FOXP2: variants seen among roughly 807,000 people sequenced by gnomAD.
FOXP2 encodes forkhead box protein P2.
Under a neutral mutation model 115.8 loss-of-function variants are expected in FOXP2, and 12 were observed. The ratio of observed to expected loss-of-function variants is 0.10; its 90% confidence interval spans 0.07 to 0.17. The LOEUF (loss-of-function observed/expected upper bound fraction) is 0.17, where lower values mean the gene tolerates loss of function less well. FOXP2 is among the 10% of genes least tolerant of loss of function. The pLI is 1.00. For synonymous variants in FOXP2, 328 were observed against 297.7 expected, an observed-to-expected ratio of 1.10 and a Z score of -1.05; for missense variants, 629 against 843.5, an observed-to-expected ratio of 0.75 and a Z score of 3.15.
intron 3 of FOXP2, among the ~76,000 whole-genome samples, chr7:114,588,718 C>T (rs1802281484): frequency 6.6e-6 from 1 of 152,110 alleles, no homozygotes; most frequent in African/African-American, 2.4e-5. Flanking sequence ...TGAAAGGAGT[C>T]CTGCAGATGT....
At position 114,692,492 on chromosome 7, in the gene FOXP2, G is replaced by A. The variant is rs1018617638; in HGVS notation, c.*2566G>A. On this transcript the variant is annotated 3_prime_UTR_variant, in exon 17 of 17. Coordinates refer to ENST00000350908, the MANE Select transcript of FOXP2 (RefSeq NM_014491.4). ...TTGTGCATATTATGTAAAAATGTTG[G>A]TGGACCCATAAATGACCAGACTTTT... The A allele has an allele frequency of 2.2e-6, 1 of 453,654 alleles. No homozygotes were observed. Among genetic ancestry groups the A allele is most frequent in the African/African-American group, 2.0e-5 (1 of 49,924 alleles). 28.1% of individuals were successfully genotyped at this position (453,654 alleles called of 1,614,324 possible).
chr7:114,689,092 A>G (rs1808522216), intron 16 of FOXP2, among the ~76,000 whole-genome samples: 1 of 152,194 alleles, frequency 6.6e-6, no homozygotes, highest in Admixed American at 6.6e-5. Flanking sequence ...TGGAGGGATA[A>G]TAAACTTCAG....
At chr7:114,506,830 A>G (rs953506430) in intron 2 of FOXP2, among the ~76,000 whole-genome samples, 1 of 151,750 alleles carries the variant, frequency 6.6e-6, no homozygotes, top group Non-Finnish European at 1.5e-5. Context: ...GGGCTTCCTC[A>G]GTGAGTGATG....
In FOXP2 at chr7:114,692,948, G is replaced by A. The variant is rs1235784349; in HGVS notation, c.*3022G>A. ...AATTGTAACAGCTGTTATTCGTTCT[G>A]TATTCATGGCTTTCACTGCTGAATA... On this transcript the variant is annotated 3_prime_UTR_variant, in exon 17 of 17. Coordinates refer to ENST00000350908, the MANE Select transcript of FOXP2 (RefSeq NM_014491.4). The A allele has an allele frequency of 2.2e-6, 1 of 453,880 alleles. No individual in the cohort carries two copies. Among genetic ancestry groups the A allele is most frequent in the African/African-American group, 2.0e-5 (1 of 50,104 alleles). 28.1% of individuals were successfully genotyped at this position (453,880 alleles called of 1,614,324 possible). A position where few individuals can be genotyped will look rare whatever the true frequency, so the allele number is the denominator to read the frequency against.
chr7:114,181,354 C>T (rs1793450089), intron 1 of FOXP2, among the ~76,000 whole-genome samples: 1 of 151,378 alleles, frequency 6.6e-6, no homozygotes, highest in Admixed American at 6.6e-5. Context: ...CTTCTATAAC[C>T]TAAAATATTT....
intron 15 of FOXP2, 149 bp downstream of exon 15, chr7:114,663,668 G>T: frequency 2.9e-6 from 2 of 679,478 alleles, no homozygotes; most frequent in African/African-American, 1.8e-5. Flanking sequence ...AGACAGCACT[G>T]GTTCTAATTC....
chr7:114,214,103 C>T (rs1377537500), intron 1 of FOXP2, among the ~76,000 whole-genome samples: 1 of 152,184 alleles, frequency 6.6e-6, no homozygotes, highest in East Asian at 1.9e-4. Context: ...GTAGTGACCA[C>T]ATTTTATACA....
intron 2 of FOXP2, among the ~76,000 whole-genome samples, chr7:114,355,595 T>C (rs985311798): frequency 1.3e-5 from 2 of 152,142 alleles, no homozygotes; most frequent in African/African-American, 4.8e-5. Flanking sequence ...TTTAGTAAAC[T>C]GAAACATGTT....
intron 2 of FOXP2, among the ~76,000 whole-genome samples, chr7:114,438,266 C>A (rs1794440607): frequency 6.6e-6 from 1 of 152,040 alleles, no homozygotes; most frequent in South Asian, 2.1e-4. Flanking sequence ...ATTTTATAAA[C>A]AATCCAACCA....
In FOXP2 at chr7:114,663,522, A is replaced by G; in HGVS notation, c.1839+3A>G. On this transcript the variant is annotated splice_donor_region_variant and intron_variant, in intron 15 of 16. Coordinates refer to ENST00000350908, the MANE Select transcript of FOXP2 (RefSeq NM_014491.4). ...CAGCTCTTAATGCCAGTTTGCAGGT[A>G]ATGTACTTTCCCAGTTTTGTTGTAT... 6.2e-7 allele frequency: 1 copy of G among 1,605,278 alleles called. No homozygotes were observed. Among genetic ancestry groups the G allele is most frequent in the Non-Finnish European group, 8.5e-7 (1 of 1,173,920 alleles).
At chr7:114,545,583 A>C (rs1562989401) in intron 3 of FOXP2, among the ~76,000 whole-genome samples, 1 of 152,190 alleles carries the variant, frequency 6.6e-6, no homozygotes, top group Non-Finnish European at 1.5e-5. Flanking sequence ...AGAAACCTTA[A>C]GAAAAGATGG....
At chr7:114,676,067 G>T (rs528798035) in intron 16 of FOXP2, among the ~76,000 whole-genome samples, 1 of 147,128 alleles carries the variant, frequency 6.8e-6, no homozygotes, top group African/African-American at 2.5e-5. Flanking sequence ...ACACCACCAG[G>T]CCCGGCTATT....
At chr7:114,566,644 C>T (rs920116812) in intron 3 of FOXP2, among the ~76,000 whole-genome samples, 1 of 152,060 alleles carries the variant, frequency 6.6e-6, no homozygotes, top group Non-Finnish European at 1.5e-5. Context: ...CCAAATAAAC[C>T]TCTTTTCCTT....
At chr7:114,168,439 G>A (rs750141122) in intron 1 of FOXP2, among the ~76,000 whole-genome samples, 8 of 152,068 alleles carry the variant, frequency 5.3e-5, no homozygotes, top group Non-Finnish European at 8.8e-5. Context: ...TAGCAGAGAC[G>A]GGTGACATTT....
chr7:114,682,825 T>C (rs1808166585), intron 16 of FOXP2, among the ~76,000 whole-genome samples: 1 of 152,124 alleles, frequency 6.6e-6, no homozygotes, highest in Admixed American at 6.6e-5. Flanking sequence ...ATGAGAAACC[T>C]AATATAAATA....
At chr7:114,398,534 A>G (rs1792799430) in intron 2 of FOXP2, among the ~76,000 whole-genome samples, 2 of 152,254 alleles carry the variant, frequency 1.3e-5, no homozygotes, top group African/African-American at 4.8e-5. Flanking sequence ...TGTAAATGCC[A>G]ATGAACATGA....
intron 1 of FOXP2, among the ~76,000 whole-genome samples, chr7:114,425,988 A>G (rs1448853429): frequency 6.6e-6 from 1 of 151,758 alleles, no homozygotes; most frequent in African/African-American, 2.4e-5. Flanking sequence ...GGTTGGTACC[A>G]TATGATTTGT....
intron 1 of FOXP2, among the ~76,000 whole-genome samples, chr7:114,272,411 A>G (rs1179115961): frequency 6.6e-6 from 1 of 151,750 alleles, no homozygotes; most frequent in East Asian, 1.9e-4. Context: ...GGAAGGAAGT[A>G]TTTCTCCCAC....
At chr7:114,637,916 G>A (rs928005089) in intron 6 of FOXP2, among the ~76,000 whole-genome samples, 2 of 152,058 alleles carry the variant, frequency 1.3e-5, no homozygotes, top group African/African-American at 4.8e-5. Context: ...TGATAATAAT[G>A]GTTTGGGGTA....
Sources: allele counts gnomAD v4.1 joint callset (sites outside exome capture counted in the v4.1 genomes callset), GRCh38; gene constraint gnomAD v4.1.1; transcripts MANE v1.5; gene names NCBI Gene and HGNC (gene_info 2026-07-23, HGNC 2026-07-21).